Variants in CNTN5 observed in about 807,000 individuals in gnomAD.
The protein encoded by CNTN5 is contactin-5.
A neutral mutation model predicts 129.1 loss-of-function variants in CNTN5; 77 were observed. That is an observed-to-expected ratio of 0.60 (90% CI 0.50 to 0.72). The LOEUF is 0.72. Among genes scored for constraint, CNTN5 ranks in the 30% least tolerant of loss-of-function variants. The pLI, the probability that CNTN5 is intolerant of heterozygous loss-of-function variation, is 0.00. For synonymous variants in CNTN5, 509 were observed against 465.6 expected, an observed-to-expected ratio of 1.09 and a Z score of -1.20; for missense variants, 1,478 against 1,328.8, an observed-to-expected ratio of 1.11 and a Z score of -1.75.
chr11:99,678,895 T>A (rs959230198), intron 3 of CNTN5, among the ~76,000 whole-genome samples: 2 of 151,296 alleles, frequency 1.3e-5, no homozygotes, highest in African/African-American at 2.4e-5. Flanking sequence ...ATAACCTTTT[T>A]TTGTATTCCA....
chr11:100,127,365 C>G (rs1025938714), intron 13 of CNTN5, among the ~76,000 whole-genome samples: 1 of 151,894 alleles, frequency 6.6e-6, no homozygotes, highest in African/African-American at 2.4e-5. Context: ...CCTTTGAAAG[C>G]AGTTATACGT....
intron 7 of CNTN5, among the ~76,000 whole-genome samples, chr11:99,955,552 A>T (rs1950779196): frequency 6.6e-6 from 1 of 151,920 alleles, no homozygotes; most frequent in African/African-American, 2.4e-5. Context: ...GGCTTCTGCT[A>T]AATATGTAAT....
At chr11:99,025,054 G>A (rs796650472) in intron 1 of CNTN5, among the ~76,000 whole-genome samples, 7 of 151,942 alleles carry the variant, frequency 4.6e-5, no homozygotes, top group African/African-American at 1.7e-4. Context: ...TTGCCCAATG[G>A]CCACTTTTTA....
chr11:99,306,015 A>G (rs545385932), intron 1 of CNTN5, among the ~76,000 whole-genome samples: 2 of 152,268 alleles, frequency 1.3e-5, no homozygotes, highest in Admixed American at 6.5e-5. Context: ...TTATCTTGAA[A>G]GATGTCTAGA....
chr11:99,729,052 G>T (rs1187351797), intron 3 of CNTN5, among the ~76,000 whole-genome samples: 2 of 152,124 alleles, frequency 1.3e-5, no homozygotes, highest in Admixed American at 6.6e-5. Context: ...AGTAAGGGAG[G>T]TTCAACGGTG....
intron 2 of CNTN5, among the ~76,000 whole-genome samples, chr11:99,543,573 G>A (rs1353336456): frequency 1.3e-5 from 2 of 152,038 alleles, no homozygotes; most frequent in Admixed American, 1.3e-4. Flanking sequence ...AAATATCAAG[G>A]CACAATGAAC....
At chr11:100,031,079 C>CT (rs1434772473) in intron 9 of CNTN5, among the ~76,000 whole-genome samples, 21 of 152,188 alleles carry the variant, frequency 1.4e-4, no homozygotes, top group Non-Finnish European at 3.1e-4. Flanking sequence ...ACTTAAAACT[C>CT]TAGCAGCTGC....
intron 3 of CNTN5, among the ~76,000 whole-genome samples, chr11:99,613,784 T>C (rs1049693860): frequency 6.6e-6 from 1 of 152,178 alleles, no homozygotes; most frequent in African/African-American, 2.4e-5. Flanking sequence ...TTAAAAAGCA[T>C]CCACTAAATA....
At chr11:100,305,452 T>C (rs974458201) in intron 20 of CNTN5, among the ~76,000 whole-genome samples, 1 of 151,542 alleles carries the variant, frequency 6.6e-6, no homozygotes, top group Non-Finnish European at 1.5e-5. Flanking sequence ...TCTCCTTTTA[T>C]CCCCCAAAAG....
intron 3 of CNTN5, among the ~76,000 whole-genome samples, chr11:99,614,498 C>A (rs927748286): frequency 1.1e-4 from 16 of 152,134 alleles, no homozygotes; most frequent in Admixed American, 5.9e-4. Context: ...ATCACATACA[C>A]CCTTTGGCTG....
chr11:99,060,351 A>G (rs1864821830), intron 1 of CNTN5, among the ~76,000 whole-genome samples: 1 of 152,124 alleles, frequency 6.6e-6, no homozygotes, highest in South Asian at 2.1e-4. Context: ...AAATGTGCAT[A>G]TGCATGCAAA....
At chr11:99,992,172 T>G (rs1201901579) in intron 8 of CNTN5, among the ~76,000 whole-genome samples, 1 of 152,324 alleles carries the variant, frequency 6.6e-6, no homozygotes, top group East Asian at 1.9e-4. Flanking sequence ...AGCCAAATTC[T>G]CAAGGTTTAC....
chr11:99,686,831 T>C (rs904832632), intron 3 of CNTN5, among the ~76,000 whole-genome samples: 1 of 152,172 alleles, frequency 6.6e-6, no homozygotes, highest in African/African-American at 2.4e-5. Flanking sequence ...AGGACACAGC[T>C]CATTGGTTCA....
intron 1 of CNTN5, among the ~76,000 whole-genome samples, chr11:99,037,760 A>G (rs985361404): frequency 2.0e-5 from 3 of 151,152 alleles, no homozygotes; most frequent in Non-Finnish European, 3.0e-5. Context: ...TTGTATTTTT[A>G]GTAGAGACGG....
intron 21 of CNTN5, among the ~76,000 whole-genome samples, chr11:100,332,223 T>A (rs1565433827): frequency 6.6e-6 from 1 of 152,014 alleles, no homozygotes; most frequent in Admixed American, 6.5e-5. Context: ...ATGCATAAAC[T>A]AGAAAATCTA....
At chr11:99,363,464 G>A (rs78953240) in intron 2 of CNTN5, among the ~76,000 whole-genome samples, 12,935 of 152,064 alleles carry the variant, frequency 0.085, 851 homozygotes, top group African/African-American at 0.18. Flanking sequence ...TACATCAGAT[G>A]TGTGTTGCTG....
chr11:99,258,974 T>C (rs1442445789), intron 1 of CNTN5, among the ~76,000 whole-genome samples: 1 of 151,858 alleles, frequency 6.6e-6, no homozygotes, highest in East Asian at 1.9e-4. Flanking sequence ...AATTAAAAAT[T>C]TATAGCTAGA....
intron 1 of CNTN5, among the ~76,000 whole-genome samples, chr11:99,147,779 G>A (rs1289630245): frequency 6.6e-6 from 1 of 152,024 alleles, no homozygotes; most frequent in Non-Finnish European, 1.5e-5. Flanking sequence ...AGAATAAACT[G>A]TATTGATTAA....
intron 1 of CNTN5, among the ~76,000 whole-genome samples, chr11:99,159,338 A>G (rs2135509387): frequency 6.6e-6 from 1 of 152,300 alleles, no homozygotes; most frequent in African/African-American, 2.4e-5. Context: ...AAGTATAGTA[A>G]TCTGCCGGGT....
Sources: gnomAD v4.1 joint callset for allele counts (sites outside exome capture counted in the v4.1 genomes callset) on GRCh38, gnomAD v4.1.1 for gene constraint, MANE v1.5 for transcripts, NCBI Gene and HGNC (gene_info 2026-07-23, HGNC 2026-07-21) for gene names.